The following TTC28 variants were observed in gnomAD, a reference collection of about 807,000 sequenced individuals.
TTC28 encodes the protein tetratricopeptide repeat domain 28, also known as tetratricopeptide repeat protein 28.
A neutral mutation model predicts 198.0 loss-of-function variants in TTC28; 61 were observed. The ratio of observed to expected loss-of-function variants is 0.31; its 90% confidence interval spans 0.25 to 0.38. The LOEUF is 0.38. Ranked by LOEUF, TTC28 falls within the 10% of genes least tolerant of loss-of-function variation. The pLI, the probability that TTC28 is intolerant of heterozygous loss-of-function variation, is 1.00. For missense variants in TTC28, 2,678 were observed against 3,164.0 expected (o/e 0.85, Z 3.69); for synonymous variants, 1,171 against 1,297.8 (o/e 0.90, Z 2.10).
intron 2 of TTC28, among the ~76,000 whole-genome samples, chr22:28,480,358 CT>C (rs1401425524): frequency 6.6e-6 from 1 of 152,202 alleles, no homozygotes; most frequent in Non-Finnish European, 1.5e-5. Flanking sequence ...AAATTTTACA[CT>C]TGTGACCTCA....
At chr22:28,142,258 T>C (rs988255436) in intron 6 of TTC28, among the ~76,000 whole-genome samples, 12 of 152,168 alleles carry the variant, frequency 7.9e-5, no homozygotes, top group African/African-American at 2.7e-4. Flanking sequence ...ACATAGCAAA[T>C]ATTCCGAGTT....
intron 2 of TTC28, among the ~76,000 whole-genome samples, chr22:28,548,206 A>G (rs905790377): frequency 2.6e-5 from 4 of 152,192 alleles, no homozygotes; most frequent in African/African-American, 9.7e-5. Context: ...GCCTAGCCCC[A>G]TATCATCTTA....
chr22:28,463,028 C>A (rs2047970553), intron 2 of TTC28, among the ~76,000 whole-genome samples: 1 of 152,200 alleles, frequency 6.6e-6, no homozygotes, highest in Non-Finnish European at 1.5e-5. Context: ...ATGCAAATTT[C>A]CAAAACTTAG....
At chr22:28,071,746 A>AGGAAAAAAAAAAAAAAAAAAG (rs1940981126) in intron 12 of TTC28, among the ~76,000 whole-genome samples, 1 of 141,784 alleles carries the variant, frequency 7.1e-6, no homozygotes, top group African/African-American at 2.8e-5. Context: ...AAAAAAAAAA[A>AGGAAAAAAAAAAAAAAAAAAG]GGAAAAAAAA....
intron 2 of TTC28, among the ~76,000 whole-genome samples, chr22:28,549,293 T>A (rs1191214641): frequency 1.3e-5 from 2 of 152,176 alleles, no homozygotes; most frequent in Non-Finnish European, 2.9e-5. Context: ...CCTCCCGAAG[T>A]GCTGGGATTA....
chr22:28,582,245 A>G (rs1263390749), intron 2 of TTC28, among the ~76,000 whole-genome samples: 1 of 152,208 alleles, frequency 6.6e-6, no homozygotes, highest in Non-Finnish European at 1.5e-5. Context: ...AAGATCCCAA[A>G]ACGCAGAAGC....
At chr22:28,079,827 C>T (rs576629484) in intron 12 of TTC28, among the ~76,000 whole-genome samples, 3 of 152,108 alleles carry the variant, frequency 2.0e-5, no homozygotes, top group Non-Finnish European at 4.4e-5. Context: ...CTCCCAGGCT[C>T]GTGTGATTCC....
At chr22:28,233,807 C>CAA (rs777558248) in intron 5 of TTC28, among the ~76,000 whole-genome samples, 1 of 152,036 alleles carries the variant, frequency 6.6e-6, no homozygotes, top group African/African-American at 2.4e-5. Flanking sequence ...TGCAGTGGCG[C>CAA]AATCTCAGCT....
At chr22:28,639,429 C>A (rs1309711106) in intron 1 of TTC28, among the ~76,000 whole-genome samples, 4 of 152,184 alleles carry the variant, frequency 2.6e-5, no homozygotes, top group African/African-American at 7.2e-5. Context: ...CAAATTCACA[C>A]AAAGATGCCA....
At chr22:28,001,699 C>T (rs1307452697) in intron 14 of TTC28, 146 bp from the exon 15 acceptor site, 20 of 923,340 alleles carry the variant, frequency 2.2e-5, no homozygotes, top group Admixed American at 5.4e-5. Context: ...GGGCATGGGC[C>T]GAGTTGCAGC....
rs137998025 is a variant in TTC28 at position 28,109,768 on chromosome 22, G to A, written c.1442-1365C>T. ...GTGGAGAGAAGCTAGTATGCAAACA[G>A]GTTTCTCCTTGCCTTTGGTTTTGAA... On this transcript the variant is annotated intron_variant, in intron 6 of 22. Coordinates refer to ENST00000397906, the MANE Select transcript of TTC28 (RefSeq NM_001145418.2). 8.7e-4 allele frequency among the ~76,000 whole-genome samples: 132 copies of A among 152,294 alleles called. 1 individual carries two copies. Among genetic ancestry groups the A allele is most frequent in the African/African-American group, 2.9e-3 (120 of 41,556 alleles).
At position 28,163,107 on chromosome 22, in the gene TTC28, C is replaced by T; in HGVS notation, c.1426G>A (p.Ala476Thr). The change falls in exon 6 of 23, where the codon GCA (alanine) becomes ACA (threonine). Residue 476 changes from alanine (A) to threonine (T), a missense_variant. By Grantham distance (58) the Ala-to-Thr change is moderately conservative. Around this residue, in one of 8 missense-constraint regions of TTC28, gnomAD observed 775 missense variants for 845.9 expected, o/e 0.92. Coordinates refer to ENST00000397906, the MANE Select transcript of TTC28 (RefSeq NM_001145418.2). ...DLKDRAAEGR[A>T]SSNLGIIHQM... ...CTGTTCTTACCTAGATTGGAGGATG[C>T]TCGCCCCTCTGCAGCCCGGTCCTTG... 1 of 1,549,520 alleles carries T rather than the reference C, an allele frequency of 6.5e-7. No individual in the cohort carries two copies. The highest frequency in any genetic ancestry group is 8.7e-7 in the Non-Finnish European group (1 of 1,145,928).
chr22:28,364,351 C>T (rs538322247), intron 2 of TTC28, among the ~76,000 whole-genome samples: 9 of 152,316 alleles, frequency 5.9e-5, no homozygotes, highest in East Asian at 5.8e-4. Flanking sequence ...TCCCCAGCCA[C>T]GTGGAACTGC....
Position 28,406,324 on chromosome 22 carries a change from G to A in TTC28, c.382-99681C>T, listed in dbSNP as rs182415051. Among the ~76,000 whole-genome samples the A allele has an allele frequency of 1.4e-4, 21 of 152,276 alleles. No homozygotes were observed. The East Asian group carries it at 3.1e-3, about 22-fold the overall frequency. On this transcript the variant is annotated intron_variant, in intron 2 of 22. Transcript: ENST00000397906. The stretch of plus-strand genomic sequence containing the variant: ...TAGAACACACACTTATCTTATTAAC[G>A]AGACTAGAATTATTTTAATTAGGTA...
chr22:28,265,497 A>T (rs577900919), intron 5 of TTC28, among the ~76,000 whole-genome samples: 3 of 152,146 alleles, frequency 2.0e-5, no homozygotes, highest in Admixed American at 1.3e-4. Context: ...GCGGCTGACT[A>T]TAAGGATTAG....
chr22:28,495,327 C>A (rs2048439611), intron 2 of TTC28, among the ~76,000 whole-genome samples: 1 of 152,102 alleles, frequency 6.6e-6, no homozygotes, highest in Non-Finnish European at 1.5e-5. Flanking sequence ...GCTTCCAGAA[C>A]TAAGAAGGTT....
chr22:28,248,064 C>A (rs143511569), intron 5 of TTC28, among the ~76,000 whole-genome samples: 469 of 152,326 alleles, frequency 3.1e-3, no homozygotes, highest in Admixed American at 6.3e-3. Context: ...CTGTTTGCTG[C>A]TTACTTGCAG....
chr22:28,520,151 A>C (rs1461844055), intron 2 of TTC28, among the ~76,000 whole-genome samples: 3 of 152,208 alleles, frequency 2.0e-5, no homozygotes, highest in Non-Finnish European at 4.4e-5. Flanking sequence ...TTGAGTCCCA[A>C]CTTTACCCAA....
intron 3 of TTC28, among the ~76,000 whole-genome samples, chr22:28,300,088 A>ATCAGTG (rs2044988639): frequency 1.3e-5 from 2 of 152,176 alleles, no homozygotes; most frequent in Admixed American, 1.3e-4. Context: ...CCCTTGGAAA[A>ATCAGTG]TCAGTGTCAC....
Sources: allele counts gnomAD v4.1 joint callset (sites outside exome capture counted in the v4.1 genomes callset), GRCh38; gene constraint gnomAD v4.1.1; regional missense constraint gnomAD v4.1.1; transcripts MANE v1.5; gene names NCBI Gene and HGNC (gene_info 2026-07-23, HGNC 2026-07-21).